SYT9: variants seen among roughly 807,000 people sequenced by gnomAD.
The protein encoded by SYT9 is synaptotagmin 9, also known as synaptotagmin-9.
A neutral mutation model predicts 48.4 loss-of-function variants in SYT9; 22 were observed. The ratio of observed to expected loss-of-function variants is 0.45; its 90% CI spans 0.32 to 0.65. SYT9 has a LOEUF of 0.65. Ranked by LOEUF, SYT9 falls within the 30% of genes least tolerant of loss-of-function variation. The pLI, the probability that SYT9 is intolerant of heterozygous loss-of-function variation, is 0.03. For missense variants in SYT9, 577 were observed against 622.0 expected, an observed-to-expected ratio of 0.93 and a Z score of 0.77; for synonymous variants, 265 against 245.0, an observed-to-expected ratio of 1.08 and a Z score of -0.76.
At chr11:7,304,637 A>G (rs1313280980) in intron 2 of SYT9, among the ~76,000 whole-genome samples, 1 of 152,244 alleles carries the variant, frequency 6.6e-6, no homozygotes, top group Non-Finnish European at 1.5e-5. Context: ...TTATTTTAGC[A>G]TCATTTTCAA....
At position 7,425,231 on chromosome 11, in the gene SYT9, T is replaced by C. The variant is rs575729910; in HGVS notation, c.1467+4596T>C. 2.0e-4 allele frequency among the ~76,000 whole-genome samples: 31 copies of C among 152,314 alleles called. No homozygotes were observed. In the South Asian group the frequency reaches 6.4e-3, roughly 32 times the overall value. On this transcript the variant is annotated intron_variant, in intron 6 of 6. Coordinates refer to ENST00000318881, the MANE Select transcript of SYT9 (RefSeq NM_175733.4). ...CATGAAAATGTGACCTGGACCTACC[T>C]CAGCAGGAGTTTTGGGAGTAGACTT...
intron 1 of SYT9, among the ~76,000 whole-genome samples, chr11:7,243,703 A>T (rs1847763924): frequency 6.6e-6 from 1 of 151,994 alleles, no homozygotes; most frequent in Non-Finnish European, 1.5e-5. Flanking sequence ...ATCACTGGGG[A>T]TGGGGGAGGT....
chr11:7,412,829 T>A (rs1847163165), intron 3 of SYT9, among the ~76,000 whole-genome samples: 1 of 152,140 alleles, frequency 6.6e-6, no homozygotes, highest in African/African-American at 2.4e-5. Context: ...TCATGGTGCT[T>A]GCAAGTGAGT....
At chr11:7,437,055 C>T (rs4319496) in intron 6 of SYT9, among the ~76,000 whole-genome samples, 57,424 of 152,080 alleles carry the variant, frequency 0.38, 10,975 homozygotes, top group Middle Eastern at 0.48. Flanking sequence ...TGTTTGTTTC[C>T]TTTCTGCAGC....
intron 1 of SYT9, among the ~76,000 whole-genome samples, chr11:7,276,947 G>A (rs961049761): frequency 2.0e-5 from 3 of 151,786 alleles, no homozygotes; most frequent in Non-Finnish European, 4.4e-5. Flanking sequence ...CCAGCTACTC[G>A]GGAGGCTGAG....
chr11:7,321,102 C>T (rs1849330947), intron 3 of SYT9, among the ~76,000 whole-genome samples: 1 of 152,078 alleles, frequency 6.6e-6, no homozygotes, highest in Non-Finnish European at 1.5e-5. Flanking sequence ...CTCAGTTAGA[C>T]TCTGATTTGG....
chr11:7,416,269 C>T (rs897435740), intron 4 of SYT9, 107 bp downstream of exon 4: 3 of 1,374,578 alleles, frequency 2.2e-6, no homozygotes, highest in Non-Finnish European at 3.0e-6. Context: ...ACCAGACTGC[C>T]TAGGCTTAGC....
chr11:7,316,688 T>C (rs1301977871), intron 3 of SYT9, among the ~76,000 whole-genome samples: 1 of 152,220 alleles, frequency 6.6e-6, no homozygotes, highest in Admixed American at 6.5e-5. Flanking sequence ...GTGTTCAGCT[T>C]TTCTAGATAA....
intron 3 of SYT9, among the ~76,000 whole-genome samples, chr11:7,388,486 T>C (rs1564886146): frequency 6.6e-6 from 1 of 152,116 alleles, no homozygotes; most frequent in African/African-American, 2.4e-5. Context: ...TTATTTTCTA[T>C]TCATTATTTT....
At chr11:7,316,442 G>A (rs1849245433) in intron 3 of SYT9, among the ~76,000 whole-genome samples, 1 of 151,872 alleles carries the variant, frequency 6.6e-6, no homozygotes, top group African/African-American at 2.4e-5. Flanking sequence ...ATTGATTATG[G>A]CATTTAGTAA....
chr11:7,453,504 C>A (rs941834262), intron 6 of SYT9, among the ~76,000 whole-genome samples: 5 of 152,136 alleles, frequency 3.3e-5, no homozygotes, highest in Admixed American at 1.3e-4. Context: ...GAGTGGGGAC[C>A]CCTGTGCCGT....
chr11:7,385,369 TGC>T (rs374819243), intron 3 of SYT9, among the ~76,000 whole-genome samples: 1 of 147,896 alleles, frequency 6.8e-6, no homozygotes, highest in Non-Finnish European at 1.5e-5. Context: ...TGTGTGTGTG[TGC>T]GTGTGTGTCC....
intron 6 of SYT9, among the ~76,000 whole-genome samples, chr11:7,453,698 C>G (rs897343028): frequency 6.6e-6 from 1 of 152,314 alleles, no homozygotes; most frequent in African/African-American, 2.4e-5. Flanking sequence ...TGACCAGAAG[C>G]AGACAGCCAA....
At chr11:7,450,244 G>A (rs1046469969) in intron 6 of SYT9, 1 of 152,106 alleles carries the variant, frequency 6.6e-6, no homozygotes, top group African/African-American at 2.4e-5. Context: ...ATTTCTTCAT[G>A]GTTATATGCC....
intron 6 of SYT9, among the ~76,000 whole-genome samples, chr11:7,433,080 G>C (rs1847641901): frequency 6.6e-6 from 1 of 152,272 alleles, no homozygotes; most frequent in East Asian, 1.9e-4. Flanking sequence ...CCTCATGCTA[G>C]TGAGGGAGTT....
intron 2 of SYT9, among the ~76,000 whole-genome samples, chr11:7,309,121 A>G (rs1849084497): frequency 6.6e-6 from 1 of 152,184 alleles, no homozygotes; most frequent in Admixed American, 6.5e-5. Context: ...TATTCTTCCC[A>G]CTTAGGTCTG....
chr11:7,296,119 CTT>C (rs1434473641), intron 1 of SYT9, among the ~76,000 whole-genome samples: 1 of 152,172 alleles, frequency 6.6e-6, no homozygotes, highest in East Asian at 1.9e-4. Flanking sequence ...GAAACAATAA[CTT>C]ACATTCAGTG....
chr11:7,243,570 G>GATTACTAAA (rs1253029970), intron 1 of SYT9, among the ~76,000 whole-genome samples: 1 of 152,130 alleles, frequency 6.6e-6, no homozygotes, highest in African/African-American at 2.4e-5. Context: ...TCAAGAAAGG[G>GATTACTAAA]ATTACTAAAA....
intron 3 of SYT9, among the ~76,000 whole-genome samples, chr11:7,387,498 T>C (rs7118486): frequency 0.032 from 4,876 of 152,288 alleles, 272 homozygotes; most frequent in African/African-American, 0.11. Context: ...ATTTTGCATA[T>C]CATGTCGTCT....
Sources: allele counts gnomAD v4.1 joint callset (sites outside exome capture counted in the v4.1 genomes callset), GRCh38; gene constraint gnomAD v4.1.1; transcripts MANE v1.5; gene names NCBI Gene and HGNC (gene_info 2026-07-23, HGNC 2026-07-21).